Variants in DNAJC3 observed in about 807,000 individuals in gnomAD.
DNAJC3 encodes the protein DnaJ heat shock protein family (Hsp40) member C3, also known as dnaJ homolog subfamily C member 3.
DNAJC3 carries 38 observed loss-of-function variants against 68.6 expected under a neutral mutation model. The observed-to-expected ratio is 0.55, with a 90% CI of 0.43 to 0.73. The LOEUF (loss-of-function observed/expected upper bound fraction) is 0.73. DNAJC3 is among the 30% of genes least tolerant of loss of function. The pLI is 0.00. For missense variants in DNAJC3, 526 were observed against 591.9 expected (o/e 0.89, Z 1.16); for synonymous variants, 203 against 204.0 (o/e 1.00, Z 0.04).
chr13:95,790,786 C>A, intron 11 of DNAJC3, 87 bp from the exon 12 acceptor site: 53 of 1,281,454 alleles, frequency 4.1e-5, no homozygotes, highest in Non-Finnish European at 4.9e-5. Flanking sequence ...CTCAAGCCCA[C>A]CCACCCTCCT....
chr13:95,685,586 G>A (rs1880053110), intron 1 of DNAJC3, among the ~76,000 whole-genome samples: 1 of 152,138 alleles, frequency 6.6e-6, no homozygotes, highest in Non-Finnish European at 1.5e-5. Context: ...ATATTTTGGA[G>A]GAGCTGGGGC....
rs750910115 is a variant in DNAJC3, at chr13:95,760,189, C to T, written c.696C>T (p.Tyr232=). 17 of 1,606,800 alleles carry T rather than the reference C, an allele frequency of 1.1e-5. No individual in the cohort carries two copies. Among genetic ancestry groups the T allele is most frequent in the Non-Finnish European group, 1.4e-5 (16 of 1,176,338 alleles). ...CGTTTTATAAAATAAGCACACTGTA[C>T]TACCAACTAGGAGACCACGAACTGT... ...TEAFYKISTL[Y]YQLGDHELSL... Residue 232 remains tyrosine, a synonymous_variant, in exon 6 of 12, where the codon TAC becomes TAT. Coordinates refer to ENST00000602402, the MANE Select transcript of DNAJC3 (RefSeq NM_006260.5).
intron 4 of DNAJC3, among the ~76,000 whole-genome samples, chr13:95,726,776 C>G (rs1881538594): frequency 6.6e-6 from 1 of 152,156 alleles, no homozygotes; most frequent in Admixed American, 6.5e-5. Flanking sequence ...ATATAAGCCA[C>G]TGTTTATTAT....
chr13:95,757,654 A>G lies in DNAJC3; in HGVS notation c.404A>G (p.Asn135Ser), dbSNP rs765841120. Residue 135 changes from asparagine (N) to serine (S), a missense_variant, in exon 5 of 12, where the codon AAT (asparagine) becomes AGT (serine). Asn to Ser is a conservative substitution (Grantham distance 46, BLOSUM62 1). Coordinates refer to ENST00000602402, the MANE Select transcript of DNAJC3 (RefSeq NM_006260.5). Reference sequence around the variant, plus strand: ...TTATTTTCCTTATAGCTCAAATCTAATCCAAGTGAAAATGAAGAAAAGGAA... The same window carrying G: ...TTATTTTCCTTATAGCTCAAATCTAGTCCAAGTGAAAATGAAGAAAAGGAA... ...EDDFKKVLKS[N>S]PSENEEKEAQ... The G allele has an allele frequency of 6.4e-7, 1 of 1,565,324 alleles. No homozygotes were observed. Among genetic ancestry groups the G allele is most frequent in the Non-Finnish European group, 8.7e-7 (1 of 1,143,544 alleles).
Position 95,792,609 on chromosome 13 carries a change from T to C in DNAJC3, c.*1579T>C, listed in dbSNP as rs981909865. The C allele has an allele frequency of 3.3e-5, 5 of 152,216 alleles. No individual in the cohort carries two copies. The highest frequency in any genetic ancestry group is 7.4e-5 in the Non-Finnish European group (5 of 68,024). 9.4% of individuals were successfully genotyped at this position (152,216 alleles called of 1,614,324 possible). Reference sequence around the variant, plus strand: ...TAACTGAGAGACAAAAATCACATAGTTGAATTGAGCAGAACACTTAAGTGC... The same window carrying C: ...TAACTGAGAGACAAAAATCACATAGCTGAATTGAGCAGAACACTTAAGTGC... On this transcript the variant is annotated 3_prime_UTR_variant, in exon 12 of 12. Coordinates refer to ENST00000602402, the MANE Select transcript of DNAJC3 (RefSeq NM_006260.5).
intron 9 of DNAJC3, among the ~76,000 whole-genome samples, chr13:95,767,193 C>T (rs570595017): frequency 2.6e-5 from 4 of 152,264 alleles, no homozygotes; most frequent in Non-Finnish European, 4.4e-5. Flanking sequence ...ACCTCTCCCT[C>T]GGCCCCTGGG....
intron 6 of DNAJC3, 48 bp from the exon 7 acceptor site, chr13:95,760,631 T>C (rs371093412): frequency 4.3e-4 from 668 of 1,559,510 alleles, no homozygotes; most frequent in Non-Finnish European, 5.5e-4. Flanking sequence ...AAACTACTCA[T>C]TGATTGTTTT....
chr13:95,715,176 G>T (rs1881096626), intron 2 of DNAJC3, among the ~76,000 whole-genome samples: 2 of 152,226 alleles, frequency 1.3e-5, no homozygotes, highest in Admixed American at 1.3e-4. Flanking sequence ...CAGGAGGATT[G>T]TTTGAGGCCA....
At chr13:95,767,642 G>A (rs1883028039) in intron 9 of DNAJC3, among the ~76,000 whole-genome samples, 1 of 150,866 alleles carries the variant, frequency 6.6e-6, no homozygotes, top group Non-Finnish European at 1.5e-5. Context: ...TTTACCAGCA[G>A]TGTATTAAAG....
intron 4 of DNAJC3, among the ~76,000 whole-genome samples, chr13:95,728,773 A>G (rs939028077): frequency 6.6e-6 from 1 of 152,188 alleles, no homozygotes; most frequent in Admixed American, 6.5e-5. Context: ...GGTATTCAGA[A>G]TATCTATCAC....
intron 4 of DNAJC3, among the ~76,000 whole-genome samples, chr13:95,728,899 C>T (rs897337336): frequency 2.6e-5 from 4 of 152,136 alleles, no homozygotes; most frequent in African/African-American, 9.7e-5. Flanking sequence ...TCTTATTCTT[C>T]TTTGCTGTGT....
chr13:95,707,931 A>G (rs1467242397), intron 1 of DNAJC3, among the ~76,000 whole-genome samples: 4 of 152,144 alleles, frequency 2.6e-5, no homozygotes, highest in Non-Finnish European at 2.9e-5. Flanking sequence ...TTTCATGTAT[A>G]GGTGAGCGAA....
intron 9 of DNAJC3, among the ~76,000 whole-genome samples, chr13:95,781,950 C>G (rs1477659792): frequency 6.6e-6 from 1 of 152,092 alleles, no homozygotes; most frequent in Non-Finnish European, 1.5e-5. Context: ...GCTATCCCTC[C>G]CCCAGCCCCC....
At chr13:95,714,046 T>C (rs1881059256) in intron 2 of DNAJC3, among the ~76,000 whole-genome samples, 2 of 152,216 alleles carry the variant, frequency 1.3e-5, no homozygotes, top group African/African-American at 4.8e-5. Context: ...TCGTATGTAC[T>C]CTATGAAGGT....
At chr13:95,754,585 G>A (rs1001638916) in intron 4 of DNAJC3, among the ~76,000 whole-genome samples, 45 of 151,830 alleles carry the variant, frequency 3.0e-4, no homozygotes, top group African/African-American at 3.6e-4. Context: ...AGTGGCTCAC[G>A]CCTGTAATCC....
rs978810730 is a variant in DNAJC3 at position 95,741,075 on chromosome 13, A to G, written c.393+15823A>G. ...TTTCACAAATTTCTTTTTCATTGGA[A>G]TCTGTTGCTGGAGAGTTATTGTTTT... On this transcript the variant is annotated intron_variant, in intron 4 of 11. Transcript: ENST00000602402. 1.4e-4 allele frequency among the ~76,000 whole-genome samples: 21 copies of G among 152,034 alleles called. No homozygotes were observed. In the East Asian group the frequency reaches 4.1e-3, roughly 29 times the overall value.
intron 5 of DNAJC3, among the ~76,000 whole-genome samples, chr13:95,758,998 C>G (rs1255197521): frequency 6.6e-6 from 1 of 152,102 alleles, no homozygotes; most frequent in Non-Finnish European, 1.5e-5. Context: ...CCATTTTGAA[C>G]TTAGTTCATT....
chr13:95,714,340 G>A (rs1048599719), intron 2 of DNAJC3, among the ~76,000 whole-genome samples: 1 of 149,890 alleles, frequency 6.7e-6, no homozygotes. Flanking sequence ...AGCTATGATT[G>A]TGTCACCACA....
chr13:95,677,628 G>A lies in DNAJC3; in HGVS notation c.82+291G>A, dbSNP rs1476951104. Among the ~76,000 whole-genome samples, 3 of 152,272 alleles carry A rather than the reference G, an allele frequency of 2.0e-5. No individual in the cohort carries two copies. The East Asian group carries it at 5.8e-4, about 29-fold the overall frequency. ...GGGCACCGGGCTACGACTTCAGGAA[G>A]TCCTGGGACGCGGAGACTTGGGCAG... is the stretch of plus-strand genomic sequence containing the variant. On this transcript the variant is annotated intron_variant, in intron 1 of 11. Transcript: ENST00000602402.
Sources: gnomAD v4.1 joint callset for allele counts (sites outside exome capture counted in the v4.1 genomes callset) on GRCh38, gnomAD v4.1.1 for gene constraint, MANE v1.5 for transcripts, NCBI Gene and HGNC (gene_info 2026-07-23, HGNC 2026-07-21) for gene names.